The following CSMD1 variants were observed in gnomAD, a reference collection of about 807,000 sequenced individuals.
The protein encoded by CSMD1 is CUB and sushi domain-containing protein 1.
A neutral mutation model predicts 417.5 loss-of-function variants in CSMD1; 213 were observed. The observed-to-expected ratio is 0.51, with a 90% CI of 0.46 to 0.57. The LOEUF is 0.57. CSMD1 is among the 20% of genes least tolerant of loss of function. The pLI is 0.00. For missense variants in CSMD1, 6,923 were observed against 4,529.7 expected (o/e 1.53, Z -15.17); for synonymous variants, 2,862 against 1,736.8 (o/e 1.65, Z -16.11).
chr8:3,559,248 A>G (rs1373374753), intron 10 of CSMD1, among the ~76,000 whole-genome samples: 3 of 152,214 alleles, frequency 2.0e-5, no homozygotes, highest in Admixed American at 6.5e-5. Flanking sequence ...ATTCCAATTC[A>G]AAGAATTTGT....
At chr8:4,728,645 G>C (rs1422441424) in intron 1 of CSMD1, among the ~76,000 whole-genome samples, 1 of 152,096 alleles carries the variant, frequency 6.6e-6, no homozygotes, top group East Asian at 1.9e-4. Context: ...GTATGTTAGA[G>C]AATCTTAACT....
chr8:4,212,204 C>A (rs1266364831), intron 3 of CSMD1, among the ~76,000 whole-genome samples: 1 of 149,122 alleles, frequency 6.7e-6, no homozygotes, highest in Admixed American at 6.7e-5. Flanking sequence ...ATTATTTTCT[C>A]TCCATGTTGT....
At chr8:3,547,588 T>C (rs1798722030) in intron 10 of CSMD1, among the ~76,000 whole-genome samples, 1 of 152,220 alleles carries the variant, frequency 6.6e-6, no homozygotes. Context: ...TTATTTACAT[T>C]GCTTTACTAT....
intron 5 of CSMD1, among the ~76,000 whole-genome samples, chr8:3,874,470 G>C (rs1348748325): frequency 1.3e-5 from 2 of 152,160 alleles, no homozygotes; most frequent in African/African-American, 2.4e-5. Context: ...TTCAGTGCTT[G>C]AACTTTTACA....
intron 2 of CSMD1, among the ~76,000 whole-genome samples, chr8:4,459,583 T>C (rs1319696630): frequency 3.3e-5 from 5 of 152,200 alleles, no homozygotes; most frequent in African/African-American, 1.2e-4. Context: ...ATGGAATGGC[T>C]AGTCTAAGAT....
At chr8:3,931,126 G>A (rs1400350137) in intron 5 of CSMD1, among the ~76,000 whole-genome samples, 4 of 150,466 alleles carry the variant, frequency 2.7e-5, no homozygotes, top group Admixed American at 6.6e-5. Flanking sequence ...GATATTGCAG[G>A]GTAACCATAG....
chr8:3,099,446 T>G (rs1327487085), intron 46 of CSMD1, among the ~76,000 whole-genome samples: 2 of 152,182 alleles, frequency 1.3e-5, no homozygotes, highest in Non-Finnish European at 2.9e-5. Flanking sequence ...CACCTGACTT[T>G]GGGTCTATTC....
chr8:4,531,815 C>G (rs1490430397), intron 2 of CSMD1, among the ~76,000 whole-genome samples: 1 of 152,222 alleles, frequency 6.6e-6, no homozygotes, highest in East Asian at 1.9e-4. Flanking sequence ...ATCATAATCC[C>G]TTTTCAGAAA....
At chr8:4,980,770 T>G (rs1472196360) in intron 1 of CSMD1, among the ~76,000 whole-genome samples, 2 of 151,902 alleles carry the variant, frequency 1.3e-5, no homozygotes, top group African/African-American at 2.4e-5. Flanking sequence ...CTGAGTGTGG[T>G]GGCATGGGTC....
intron 3 of CSMD1, among the ~76,000 whole-genome samples, chr8:4,042,839 A>AAAAAAAG (rs1179079811): frequency 5.8e-5 from 7 of 121,714 alleles, no homozygotes; most frequent in African/African-American, 1.9e-4. Context: ...AAAAAAAAAA[A>AAAAAAAG]AAAGCAGGCT....
intron 3 of CSMD1, among the ~76,000 whole-genome samples, chr8:4,198,135 G>A (rs1024340938): frequency 3.9e-5 from 6 of 152,230 alleles, no homozygotes; most frequent in African/African-American, 1.4e-4. Flanking sequence ...TCTTTGAGTT[G>A]AGTCTTAAAT....
intron 2 of CSMD1, among the ~76,000 whole-genome samples, chr8:4,604,728 A>T (rs1800777198): frequency 6.6e-6 from 1 of 152,182 alleles, no homozygotes; most frequent in African/African-American, 2.4e-5. Flanking sequence ...CTTAATGGTA[A>T]CATTTATGCA....
At chr8:4,838,664 G>C (rs1400447756) in intron 1 of CSMD1, among the ~76,000 whole-genome samples, 1 of 152,202 alleles carries the variant, frequency 6.6e-6, no homozygotes, top group South Asian at 2.1e-4. Flanking sequence ...GCGGAGGTGG[G>C]ATGAGAAGCA....
chr8:4,144,514 T>TCA (rs1448227311), intron 3 of CSMD1, among the ~76,000 whole-genome samples: 1 of 151,094 alleles, frequency 6.6e-6, no homozygotes, highest in Non-Finnish European at 1.5e-5. Flanking sequence ...TCTAAATGCT[T>TCA]CACCTCATTA....
intron 1 of CSMD1, among the ~76,000 whole-genome samples, chr8:4,860,166 A>C (rs1178023145): frequency 6.6e-6 from 1 of 150,486 alleles, no homozygotes; most frequent in Non-Finnish European, 1.5e-5. Flanking sequence ...CAAGAACAAA[A>C]AACCAAACAC....
chr8:4,748,308 G>C (rs555168656), intron 1 of CSMD1, among the ~76,000 whole-genome samples: 7 of 152,366 alleles, frequency 4.6e-5, no homozygotes, highest in Admixed American at 2.0e-4. Flanking sequence ...AGAGAAGCCA[G>C]AGTGCACCAT....
At chr8:4,257,076 T>C (rs551384295) in intron 3 of CSMD1, among the ~76,000 whole-genome samples, 2 of 152,134 alleles carry the variant, frequency 1.3e-5, no homozygotes, top group African/African-American at 2.4e-5. Flanking sequence ...GACAGTCTCT[T>C]CTTAGAACTT....
chr8:3,918,276 A>G (rs1248805592), intron 5 of CSMD1, among the ~76,000 whole-genome samples: 1 of 152,050 alleles, frequency 6.6e-6, no homozygotes, highest in Non-Finnish European at 1.5e-5. Context: ...TTAGCAGCCT[A>G]CAAACTCTTT....
chr8:4,564,224 C>G (rs1171923875), intron 2 of CSMD1, among the ~76,000 whole-genome samples: 2 of 152,152 alleles, frequency 1.3e-5, no homozygotes, highest in African/African-American at 4.8e-5. Context: ...TGGACATGCA[C>G]AAGGAAAACA....
Sources: allele counts gnomAD v4.1 joint callset (sites outside exome capture counted in the v4.1 genomes callset), GRCh38; gene constraint gnomAD v4.1.1; transcripts MANE v1.5; gene names NCBI Gene and HGNC (gene_info 2026-07-23, HGNC 2026-07-21).